The following PCSK6 variants were observed in gnomAD, a reference collection of about 807,000 sequenced individuals.
PCSK6 encodes the protein proprotein convertase subtilisin/kexin type 6, also known as paired basic amino acid cleaving enzyme 4.
A neutral mutation model predicts 123.3 loss-of-function variants in PCSK6; 85 were observed. That is an observed-to-expected ratio of 0.69 (90% confidence interval 0.58 to 0.83). The LOEUF (loss-of-function observed/expected upper bound fraction) is 0.83. Ranked by LOEUF, PCSK6 falls within the 40% of genes least tolerant of loss-of-function variation. The probability of loss-of-function intolerance (pLI) is 0.00; values close to 1 mark genes in which losing one functional copy is unlikely to be tolerated. For missense variants in PCSK6, 1,191 were observed against 1,282.3 expected, an observed-to-expected ratio of 0.93 and a Z score of 1.09; for synonymous variants, 508 against 516.0, an observed-to-expected ratio of 0.98 and a Z score of 0.21.
chr15:101,455,078 T>C (rs114066142), intron 1 of PCSK6, among the ~76,000 whole-genome samples: 1,700 of 152,236 alleles, frequency 0.011, 26 homozygotes, highest in African/African-American at 0.037. Context: ...AACGTGAAAA[T>C]ACTAAATGCC....
intron 1 of PCSK6, among the ~76,000 whole-genome samples, chr15:101,476,272 T>C (rs2057728658): frequency 6.6e-6 from 1 of 152,200 alleles, no homozygotes; most frequent in Non-Finnish European, 1.5e-5. Flanking sequence ...AGTATTTGTT[T>C]TGTTCTTATG....
chr15:101,370,134 T>C (rs1231096639), intron 12 of PCSK6, among the ~76,000 whole-genome samples: 1 of 152,146 alleles, frequency 6.6e-6, no homozygotes, highest in Non-Finnish European at 1.5e-5. Context: ...GAAGGCAAGG[T>C]TTCAGGGAGC....
chr15:101,316,136 C>T (rs1596172250), intron 19 of PCSK6, among the ~76,000 whole-genome samples: 1 of 152,218 alleles, frequency 6.6e-6, no homozygotes, highest in Non-Finnish European at 1.5e-5. Flanking sequence ...ACAGCTGCCT[C>T]CAATGAGGTC....
chr15:101,489,596 C>G lies in PCSK6; in HGVS notation c.75G>C (p.Ala25=). ...PRAAAATDTA[A]GAGGAGGAGG... The stretch of plus-strand genomic sequence containing the variant: ...CCGCGCCCCCCGCGCCCCCCGCGCC[C>G]GCGGCGGTGTCGGTGGCGGCGGCGG... The change falls in exon 1 of 22, where the codon GCG becomes GCC. Residue 25 remains alanine (A), a synonymous_variant. Transcript: ENST00000611716. 1.0e-6 allele frequency: 1 copy of G among 975,056 alleles called. No homozygotes were observed. The highest frequency in any genetic ancestry group is 1.2e-6 in the Non-Finnish European group (1 of 825,422). 60.4% of individuals were successfully genotyped at this position (975,056 alleles called of 1,614,324 possible).
chr15:101,418,438 G>C (rs1353207366), intron 6 of PCSK6, among the ~76,000 whole-genome samples: 1 of 151,698 alleles, frequency 6.6e-6, no homozygotes, highest in African/African-American at 2.4e-5. Context: ...ATCAGCAGTT[G>C]AATGCAGATG....
At chr15:101,388,174 A>G (rs980213934) in intron 9 of PCSK6, among the ~76,000 whole-genome samples, 16 of 152,248 alleles carry the variant, frequency 1.1e-4, no homozygotes, top group African/African-American at 3.9e-4. Flanking sequence ...GCAACTCATT[A>G]TGAAGAATTT....
At chr15:101,451,280 G>A (rs1007971715) in intron 1 of PCSK6, among the ~76,000 whole-genome samples, 25 of 150,276 alleles carry the variant, frequency 1.7e-4, no homozygotes, top group African/African-American at 5.6e-4. Flanking sequence ...TACCCCAAAT[G>A]ACATCAAATA....
intron 18 of PCSK6, among the ~76,000 whole-genome samples, chr15:101,322,113 A>T (rs1485132768): frequency 6.6e-6 from 1 of 152,190 alleles, no homozygotes; most frequent in Non-Finnish European, 1.5e-5. Context: ...AGCCGTGAAG[A>T]TGTCAGGAGC....
At chr15:101,437,600 C>T (rs1476899369) in intron 2 of PCSK6, among the ~76,000 whole-genome samples, 1 of 152,192 alleles carries the variant, frequency 6.6e-6, no homozygotes, top group African/African-American at 2.4e-5. Flanking sequence ...TGAAGTTAAA[C>T]TACAGGTGCC....
Position 101,326,416 on chromosome 15 carries a change from T to C in PCSK6, c.2141A>G (p.Asn714Ser), listed in dbSNP as rs1316743187. The C allele has an allele frequency of 1.9e-6, 3 of 1,584,498 alleles. No homozygotes were observed. The highest frequency in any genetic ancestry group is 2.6e-6 in the Non-Finnish European group (3 of 1,165,182). Residue 714 changes from asparagine to serine, a missense_variant, in exon 16 of 22, where the codon AAC becomes AGC. Physicochemically the swap from Asn to Ser is conservative, Grantham distance 46 (BLOSUM62 1). This residue lies in a region of PCSK6 where 630 missense variants were observed against 631.4 expected (regional missense o/e 1.00). Coordinates refer to ENST00000611716, the MANE Select transcript of PCSK6 (RefSeq NM_002570.5). ...CDGPNADQCL[N>S]CVHFSLGSVK... ...ACTCCCCAGGCTGAAGTGGACGCAGTTCAAGCACTGGTCTGCATTGGGGCC... is the reference window on the plus strand; with the variant it reads ...ACTCCCCAGGCTGAAGTGGACGCAGCTCAAGCACTGGTCTGCATTGGGGCC...
At chr15:101,441,964 G>A (rs372585553) in intron 2 of PCSK6, among the ~76,000 whole-genome samples, 43 of 152,224 alleles carry the variant, frequency 2.8e-4, no homozygotes, top group African/African-American at 9.1e-4. Context: ...CAGAACTCAC[G>A]CCTCCTCCGG....
rs2040379817 is a variant in PCSK6 at position 101,331,937 on chromosome 15, C to A, written c.1953G>T (p.Glu651Asp). 1.2e-6 allele frequency: 2 copies of A among 1,613,922 alleles called. No individual in the cohort carries two copies. The highest frequency in any genetic ancestry group is 2.7e-5 in the African/African-American group (2 of 75,046). ...GTGGCTCCAGCTCTGGGGCTGAGAG[C>A]TCCAGCATCCGCGAGCGGGACTGAT... ...SAHQSRSRML[E>D]LSAPELEPPK... Residue 651 changes from glutamate (E) to aspartate (D), a missense_variant, in exon 14 of 22, where the codon GAG becomes GAT. Physicochemically the swap from Glu to Asp is conservative, Grantham distance 45 (BLOSUM62 2). Coordinates refer to ENST00000611716, the MANE Select transcript of PCSK6 (RefSeq NM_002570.5).
At chr15:101,459,339 G>C (rs1014745967) in intron 1 of PCSK6, among the ~76,000 whole-genome samples, 1 of 151,996 alleles carries the variant, frequency 6.6e-6, no homozygotes, top group African/African-American at 2.4e-5. Context: ...GAAACATCCT[G>C]GTTGCACAAT....
intron 12 of PCSK6, among the ~76,000 whole-genome samples, chr15:101,368,824 A>G (rs1490286842): frequency 1.3e-5 from 2 of 152,202 alleles, no homozygotes; most frequent in African/African-American, 4.8e-5. Flanking sequence ...ACAGCTTCCA[A>G]CTTTCCAAGA....
intron 1 of PCSK6, 43 bp from the exon 2 acceptor site, chr15:101,443,703 G>A (rs760667587): frequency 2.1e-5 from 30 of 1,430,042 alleles, no homozygotes; most frequent in Middle Eastern, 1.7e-4. Flanking sequence ...ATAGTCTCAC[G>A]AACAGCTTCC....
chr15:101,452,667 C>T (rs2057065816), intron 1 of PCSK6, among the ~76,000 whole-genome samples: 1 of 152,122 alleles, frequency 6.6e-6, no homozygotes, highest in Admixed American at 6.6e-5. Context: ...CGGGTGGGAA[C>T]AGGCTACTCC....
intron 1 of PCSK6, among the ~76,000 whole-genome samples, chr15:101,484,590 C>G (rs2057973856): frequency 6.6e-6 from 1 of 151,972 alleles, no homozygotes; most frequent in Admixed American, 6.6e-5. Flanking sequence ...AGGGTTTCAC[C>G]ATGTTGGCCA....
At chr15:101,485,113 G>A (rs1165355782) in intron 1 of PCSK6, among the ~76,000 whole-genome samples, 3 of 152,194 alleles carry the variant, frequency 2.0e-5, no homozygotes, top group South Asian at 2.1e-4. Context: ...ACTCTTCCGT[G>A]TCGGGAAATC....
intron 13 of PCSK6, among the ~76,000 whole-genome samples, chr15:101,350,974 T>C (rs192126813): frequency 3.3e-4 from 50 of 152,314 alleles, no homozygotes; most frequent in Admixed American, 1.4e-3. Flanking sequence ...ATTGAATAAA[T>C]TATACTAAAA....
Sources: allele counts gnomAD v4.1 joint callset (sites outside exome capture counted in the v4.1 genomes callset), GRCh38; gene constraint gnomAD v4.1.1; regional missense constraint gnomAD v4.1.1; transcripts MANE v1.5; gene names NCBI Gene and HGNC (gene_info 2026-07-23, HGNC 2026-07-21).